ZFAND3: variants seen among roughly 807,000 people sequenced by gnomAD.
The protein encoded by ZFAND3 is AN1-type zinc finger protein 3.
A neutral mutation model predicts 29.6 loss-of-function variants in ZFAND3; 10 were observed. The observed-to-expected ratio is 0.34, with a 90% CI of 0.21 to 0.57. The LOEUF (loss-of-function observed/expected upper bound fraction) is 0.57, where lower values mean the gene tolerates loss of function less well. Ranked by LOEUF, ZFAND3 falls within the 20% of genes least tolerant of loss-of-function variation. ZFAND3 has a pLI of 0.86. For synonymous variants in ZFAND3, 128 were observed against 112.6 expected, an observed-to-expected ratio of 1.14 and a Z score of -0.87; for missense variants, 230 against 304.5, an observed-to-expected ratio of 0.76 and a Z score of 1.82.
intron 1 of ZFAND3, among the ~76,000 whole-genome samples, chr6:37,858,487 T>C (rs1581713551): frequency 6.6e-6 from 1 of 152,328 alleles, no homozygotes; most frequent in East Asian, 1.9e-4. Context: ...AAATCCTTTT[T>C]GAGGCTTTAT....
intron 1 of ZFAND3, among the ~76,000 whole-genome samples, chr6:37,857,360 G>T (rs949569054): frequency 1.3e-5 from 2 of 152,116 alleles, no homozygotes; most frequent in African/African-American, 4.8e-5. Context: ...GGAGACAAAT[G>T]AAGCGAATAC....
At chr6:38,109,738 A>G (rs985894606) in intron 4 of ZFAND3, among the ~76,000 whole-genome samples, 1 of 152,118 alleles carries the variant, frequency 6.6e-6, no homozygotes, top group East Asian at 1.9e-4. Flanking sequence ...TGAAGGGCAT[A>G]TGATAATTTT....
chr6:37,834,936 G>T (rs1763940274), intron 1 of ZFAND3, among the ~76,000 whole-genome samples: 1 of 151,448 alleles, frequency 6.6e-6, no homozygotes, highest in Admixed American at 6.6e-5. Context: ...GAGAGTTCCG[G>T]TTAGTCCACA....
intron 2 of ZFAND3, among the ~76,000 whole-genome samples, chr6:38,044,571 T>G (rs1345403385): frequency 6.6e-6 from 1 of 152,202 alleles, no homozygotes; most frequent in African/African-American, 2.4e-5. Flanking sequence ...CGCTCTTAGT[T>G]TTAGTTTTTC....
At chr6:37,835,248 C>G (rs760390603) in intron 1 of ZFAND3, among the ~76,000 whole-genome samples, 2 of 152,116 alleles carry the variant, frequency 1.3e-5, no homozygotes, top group African/African-American at 4.8e-5. Flanking sequence ...CAGCCTCAGC[C>G]TATGGGCTCA....
intron 2 of ZFAND3, among the ~76,000 whole-genome samples, chr6:37,978,419 G>C (rs912903348): frequency 3.3e-5 from 5 of 152,112 alleles, no homozygotes; most frequent in Admixed American, 2.6e-4. Flanking sequence ...GTCTGGTTTT[G>C]TTATTAGAGT....
intron 2 of ZFAND3, among the ~76,000 whole-genome samples, chr6:37,948,955 C>T (rs1289319125): frequency 1.3e-5 from 2 of 152,112 alleles, no homozygotes. Context: ...GATTTACACT[C>T]CTTTGGGTAT....
At chr6:37,907,534 A>G (rs747853555) in intron 1 of ZFAND3, among the ~76,000 whole-genome samples, 5 of 152,120 alleles carry the variant, frequency 3.3e-5, no homozygotes, top group Admixed American at 3.3e-4. Flanking sequence ...TTTGTGGTTC[A>G]TCTGTGTTGT....
chr6:37,983,343 C>CTTTTA (rs1762611707), intron 2 of ZFAND3, among the ~76,000 whole-genome samples: 2 of 50,040 alleles, frequency 4.0e-5, no homozygotes, highest in African/African-American at 8.1e-5. Context: ...CAGTTTTTAT[C>CTTTTA]TTTTTTTTTT....
chr6:37,843,154 G>A (rs1438341887), intron 1 of ZFAND3, among the ~76,000 whole-genome samples: 1 of 149,658 alleles, frequency 6.7e-6, no homozygotes, highest in Non-Finnish European at 1.5e-5. Flanking sequence ...AATTTCTTAA[G>A]CCCACTGTGC....
intron 5 of ZFAND3, among the ~76,000 whole-genome samples, chr6:38,136,627 G>C (rs1266123626): frequency 6.6e-6 from 1 of 152,232 alleles, no homozygotes; most frequent in Non-Finnish European, 1.5e-5. Flanking sequence ...GTGGCAGGCA[G>C]TGGCTACCAC....
chr6:37,971,391 G>A (rs985834181), intron 2 of ZFAND3, among the ~76,000 whole-genome samples: 5 of 152,144 alleles, frequency 3.3e-5, no homozygotes, highest in African/African-American at 1.2e-4. Context: ...TATACTTGTT[G>A]ATTTGACTGC....
At chr6:38,018,152 T>G (rs1763284029) in intron 2 of ZFAND3, among the ~76,000 whole-genome samples, 1 of 152,180 alleles carries the variant, frequency 6.6e-6, no homozygotes. Flanking sequence ...GTAACCTGAC[T>G]CCTATTTTTA....
chr6:37,853,248 A>G (rs1485010518), intron 1 of ZFAND3, among the ~76,000 whole-genome samples: 2 of 152,018 alleles, frequency 1.3e-5, no homozygotes, highest in African/African-American at 4.8e-5. Context: ...AGAGAAGAAA[A>G]TTGGCTAAAA....
chr6:37,986,831 A>G (rs1762679570), intron 2 of ZFAND3, among the ~76,000 whole-genome samples: 1 of 152,182 alleles, frequency 6.6e-6, no homozygotes, highest in Non-Finnish European at 1.5e-5. Context: ...TTAAAAAGCA[A>G]TTAATACTTT....
rs539645578 is a variant in ZFAND3 at position 38,042,458 on chromosome 6, C to T, written c.113-19135C>T. On this transcript the variant is annotated intron_variant, in intron 2 of 5. Transcript: ENST00000287218. Reference sequence around the variant, plus strand: ...CCTCTTGAGTAGCTGGGATTATAGGCGCCCACCACCATGCCTAGCTAATCT... The same window carrying T: ...CCTCTTGAGTAGCTGGGATTATAGGTGCCCACCACCATGCCTAGCTAATCT... 1.3e-4 allele frequency among the ~76,000 whole-genome samples: 19 copies of T among 151,894 alleles called. 1 individual carries two copies. Among genetic ancestry groups the T allele is most frequent in the South Asian group, 1.2e-3 (6 of 4,818 alleles).
Position 37,861,333 on chromosome 6 carries a change from T to C in ZFAND3, c.71+41317T>C, listed in dbSNP as rs1325398177. 2.0e-5 allele frequency among the ~76,000 whole-genome samples: 3 copies of C among 152,278 alleles called. No homozygotes were observed. The East Asian group carries it at 5.8e-4, about 29-fold the overall frequency. ...AAGATGAGAAAGGCTATCATAGTGT[T>C]GTAGATAAAGTGGGTATCAAGAGTG... On this transcript the variant is annotated intron_variant, in intron 1 of 5. Coordinates refer to ENST00000287218, the MANE Select transcript of ZFAND3 (RefSeq NM_021943.3).
At chr6:37,895,767 T>A (rs1765192583) in intron 1 of ZFAND3, among the ~76,000 whole-genome samples, 1 of 152,208 alleles carries the variant, frequency 6.6e-6, no homozygotes, top group African/African-American at 2.4e-5. Flanking sequence ...CTTGTAAATA[T>A]TCCTGACTTT....
chr6:38,119,667 G>A (rs940927876), intron 5 of ZFAND3, among the ~76,000 whole-genome samples: 6 of 152,204 alleles, frequency 3.9e-5, no homozygotes, highest in African/African-American at 1.4e-4. Context: ...ACGCTCCAAA[G>A]GGAAGAGTGG....
Sources: gnomAD v4.1 joint callset for allele counts (sites outside exome capture counted in the v4.1 genomes callset) on GRCh38, gnomAD v4.1.1 for gene constraint, MANE v1.5 for transcripts, NCBI Gene and HGNC (gene_info 2026-07-23, HGNC 2026-07-21) for gene names.